Variants in BRAF observed in about 807,000 individuals in gnomAD.
BRAF encodes serine/threonine-protein kinase B-raf.
In BRAF, 16 loss-of-function variants were observed where a neutral mutation model predicts 104.6. The observed-to-expected ratio is 0.15, with a 90% confidence interval of 0.10 to 0.23. The LOEUF (loss-of-function observed/expected upper bound fraction) is 0.23, where lower values mean the gene tolerates loss of function less well. Ranked by LOEUF, BRAF falls within the 10% of genes least tolerant of loss-of-function variation. BRAF has a pLI of 1.00. For synonymous variants in BRAF, 310 were observed against 341.6 expected, an observed-to-expected ratio of 0.91 and a Z score of 1.02; for missense variants, 541 against 937.3, an observed-to-expected ratio of 0.58 and a Z score of 5.52.
chr7:140,860,609 T>C (rs1281829086), intron 1 of BRAF, among the ~76,000 whole-genome samples: 1 of 152,020 alleles, frequency 6.6e-6, no homozygotes, highest in Non-Finnish European at 1.5e-5. Flanking sequence ...CAGGAATGCA[T>C]TATTGCACTC....
intron 8 of BRAF, among the ~76,000 whole-genome samples, chr7:140,790,852 A>T (rs1367476687): frequency 6.6e-6 from 1 of 152,210 alleles, no homozygotes; most frequent in Non-Finnish European, 1.5e-5. Context: ...CACGCCTGTA[A>T]TCCCAACACT....
intron 1 of BRAF, among the ~76,000 whole-genome samples, chr7:140,881,079 T>C (rs942441948): frequency 6.6e-6 from 1 of 152,206 alleles, no homozygotes; most frequent in East Asian, 1.9e-4. Context: ...GGAAGGGATC[T>C]TTTTTTCTTC....
chr7:140,719,818 C>T lies in BRAF; in HGVS notation c.*6676G>A, dbSNP rs546854911. 164 of 1,062,820 alleles carry T rather than the reference C, an allele frequency of 1.5e-4. 1 individual carries two copies. In the South Asian group the frequency reaches 1.8e-3, roughly 12 times the overall value. 65.8% of individuals were successfully genotyped at this position (1,062,820 alleles called of 1,614,324 possible). On this transcript the variant is annotated 3_prime_UTR_variant, in exon 20 of 20. Transcript: ENST00000644969. ...AAAGTCCCCATCTTTTCACTGGGCA[C>T]GCCCCAGACTCCACGAGAACCTTTT...
At chr7:140,771,267 C>T (rs947043108) in intron 14 of BRAF, among the ~76,000 whole-genome samples, 1 of 152,202 alleles carries the variant, frequency 6.6e-6, no homozygotes, top group Non-Finnish European at 1.5e-5. Flanking sequence ...ACGATCATGG[C>T]TCACTGCAGC....
Position 140,849,093 on chromosome 7 carries a change from T to C in BRAF, c.240+1018A>G, listed in dbSNP as rs530539575. ...AGAGTTCTCCATCTCCTTGCCTCAC[T>C]AGTGATGACAGCTGAGCCAGCTTTT... is the stretch of plus-strand genomic sequence containing the variant. On this transcript the variant is annotated intron_variant, in intron 2 of 19. Coordinates refer to ENST00000644969, the MANE Select transcript of BRAF (RefSeq NM_001374258.1). Among the ~76,000 whole-genome samples the C allele has an allele frequency of 4.6e-5, 7 of 152,294 alleles. No homozygotes were observed. The South Asian group carries it at 1.5e-3, about 32-fold the overall frequency.
chr7:140,818,708 C>G (rs1805150367), intron 3 of BRAF, among the ~76,000 whole-genome samples: 1 of 152,144 alleles, frequency 6.6e-6, no homozygotes, highest in African/African-American at 2.4e-5. Flanking sequence ...TTTGAAATAC[C>G]TAAAACAGGC....
intron 2 of BRAF, among the ~76,000 whole-genome samples, chr7:140,840,817 C>A (rs1306128600): frequency 6.6e-6 from 1 of 151,240 alleles, no homozygotes; most frequent in Non-Finnish European, 1.5e-5. Flanking sequence ...CAGGCTCAAG[C>A]GATCCTCCCA....
chr7:140,881,238 T>A (rs1812870537), intron 1 of BRAF, among the ~76,000 whole-genome samples: 1 of 152,188 alleles, frequency 6.6e-6, no homozygotes, highest in African/African-American at 2.4e-5. Context: ...ATTTTTGGAA[T>A]GATAAATGAG....
At chr7:140,892,421 T>C (rs1814347193) in intron 1 of BRAF, among the ~76,000 whole-genome samples, 1 of 152,206 alleles carries the variant, frequency 6.6e-6, no homozygotes, top group African/African-American at 2.4e-5. Context: ...GATGAATCCC[T>C]TAATATGTAA....
chr7:140,781,428 G>C, intron 12 of BRAF, 148 bp downstream of exon 11: 4 of 800,904 alleles, frequency 5.0e-6, no homozygotes, highest in South Asian at 4.5e-5. Flanking sequence ...ATTTTTGTTA[G>C]AAACTTTTGG....
intron 2 of BRAF, among the ~76,000 whole-genome samples, chr7:140,837,091 A>G (rs1282947465): frequency 2.0e-5 from 3 of 152,098 alleles, no homozygotes; most frequent in Non-Finnish European, 4.4e-5. Flanking sequence ...TACTTATTCC[A>G]TCTGTCCCTA....
intron 1 of BRAF, among the ~76,000 whole-genome samples, chr7:140,876,364 A>T (rs963483028): frequency 5.9e-5 from 9 of 152,216 alleles, no homozygotes; most frequent in African/African-American, 1.7e-4. Context: ...AGAATGGCTA[A>T]AAGTTGTTCA....
chr7:140,899,125 T>C (rs1815296466), intron 1 of BRAF, among the ~76,000 whole-genome samples: 1 of 152,218 alleles, frequency 6.6e-6, no homozygotes, highest in Non-Finnish European at 1.5e-5. Context: ...CTACTTCATA[T>C]ATTCACACAT....
At position 140,755,827 on chromosome 7, in the gene BRAF, T is replaced by C. The variant is rs150410852; in HGVS notation, c.1815-1594A>G. On this transcript the variant is annotated intron_variant, in intron 14 of 19. Transcript: ENST00000644969. ...GGGGGATAAATGATGATGGTGTTGGTTGGTGGAGCTAGGTCCTGCACTCAG... is the reference window on the plus strand; with the variant it reads ...GGGGGATAAATGATGATGGTGTTGGCTGGTGGAGCTAGGTCCTGCACTCAG... 4.2e-3 allele frequency among the ~76,000 whole-genome samples: 642 copies of C among 151,884 alleles called. 2 individuals are homozygous for C. Among genetic ancestry groups the C allele is most frequent in the Non-Finnish European group, 6.4e-3 (438 of 67,960 alleles).
chr7:140,736,584 C>G (rs1240558907), intron 18 of BRAF, among the ~76,000 whole-genome samples: 1 of 151,856 alleles, frequency 6.6e-6, no homozygotes, highest in Non-Finnish European at 1.5e-5. Flanking sequence ...TGTGCCACCA[C>G]GCCTGGCTAA....
intron 1 of BRAF, among the ~76,000 whole-genome samples, chr7:140,898,803 A>G (rs898175378): frequency 3.9e-5 from 6 of 152,140 alleles, no homozygotes; most frequent in African/African-American, 1.4e-4. Context: ...TCTAGTACCT[A>G]TATTTGTATT....
In BRAF at chr7:140,903,990, C is replaced by T. The variant is rs550047553; in HGVS notation, c.138+20576G>A. Among the ~76,000 whole-genome samples the T allele has an allele frequency of 1.8e-4, 28 of 152,332 alleles. 2 individuals are homozygous for T. In the South Asian group the frequency reaches 5.4e-3, roughly 29 times the overall value. On this transcript the variant is annotated intron_variant, in intron 1 of 19. Transcript: ENST00000644969. ...AAAAAAAGTGGTTTCTTGACATGAA[C>T]TCTACTCTTGCTGAAGATGCTGTGA...
intron 2 of BRAF, among the ~76,000 whole-genome samples, chr7:140,838,877 T>C (rs1258049497): frequency 6.6e-6 from 1 of 152,108 alleles, no homozygotes; most frequent in African/African-American, 2.4e-5. Context: ...AAGGGTTTCT[T>C]TGTGGGAATG....
At chr7:140,795,626 A>G (rs896875588) in intron 7 of BRAF, among the ~76,000 whole-genome samples, 7 of 152,244 alleles carry the variant, frequency 4.6e-5, no homozygotes, top group African/African-American at 1.7e-4. Flanking sequence ...CAGTCTCTGA[A>G]TAAAACATGT....
Sources: gnomAD v4.1 joint callset for allele counts (sites outside exome capture counted in the v4.1 genomes callset) on GRCh38, gnomAD v4.1.1 for gene constraint, MANE v1.5 for transcripts, NCBI Gene and HGNC (gene_info 2026-07-23, HGNC 2026-07-21) for gene names.